ADCY7: variants seen among roughly 807,000 people sequenced by gnomAD.
ADCY7 encodes adenylate cyclase type 7.
A neutral mutation model predicts 120.6 loss-of-function variants in ADCY7; 72 were observed. The ratio of observed to expected loss-of-function variants is 0.60; its 90% confidence interval spans 0.49 to 0.73. The LOEUF is 0.73. Among genes scored for constraint, ADCY7 ranks in the 30% least tolerant of loss-of-function variants. The pLI is 0.00. For synonymous variants in ADCY7, 661 were observed against 628.0 expected (o/e 1.05, Z -0.78); for missense variants, 1,227 against 1,486.0 (o/e 0.83, Z 2.87).
upstream of ADCY7, among the ~76,000 whole-genome samples, chr16:50,263,684 C>T (rs1057036112): frequency 6.6e-6 from 1 of 152,066 alleles, no homozygotes; most frequent in Non-Finnish European, 1.5e-5. Context: ...CCTCTCCAAG[C>T]TGCCCCTTTT....
chr16:50,289,293 C>T, intron 2 of ADCY7: 1 of 436,932 alleles, frequency 2.3e-6, no homozygotes, highest in South Asian at 1.6e-5. Context: ...GCCTTGGCCT[C>T]CCAAAGTGTT....
At chr16:50,281,158 G>A (rs577802108) in intron 1 of ADCY7, among the ~76,000 whole-genome samples, 24 of 152,300 alleles carry the variant, frequency 1.6e-4, no homozygotes, top group East Asian at 9.6e-4. Context: ...GACACTAAGC[G>A]TGCCTTCTTG....
chr16:50,293,115 A>G (rs1015905963), intron 5 of ADCY7, among the ~76,000 whole-genome samples: 2 of 152,144 alleles, frequency 1.3e-5, no homozygotes, highest in Admixed American at 1.3e-4. Context: ...CAGCTGAAAG[A>G]GCCCTTTCTC....
Position 50,305,801 on chromosome 16 carries a change from C to T in ADCY7, c.1704C>T (p.Asp568=), listed in dbSNP as rs540931117. ...STRPCCSKSD[D]FYTFGSIFLE... ...GGCCCTGCTGCTCCAAGTCCGATGA[C>T]TTCTACACCTTTGGGTCCATCTTCC... The change falls in exon 14 of 26, where the codon GAC becomes GAT. Residue 568 remains aspartate (D), a synonymous_variant. Coordinates refer to ENST00000673801, the MANE Select transcript of ADCY7 (RefSeq NM_001114.5). 51 of 1,614,020 alleles carry T rather than the reference C, an allele frequency of 3.2e-5. No homozygotes were observed. In the East Asian group the frequency reaches 3.8e-4, roughly 12 times the overall value.
chr16:50,250,476 A>ACC (rs1567525185), intron 1 of ADCY7, among the ~76,000 whole-genome samples: 1 of 150,394 alleles, frequency 6.6e-6, no homozygotes, highest in Non-Finnish European at 1.5e-5. Context: ...AAAAAAAAAA[A>ACC]AAACCTAAAA....
In ADCY7 at chr16:50,314,378, C is replaced by G. The variant is rs1233560165; in HGVS notation, c.2943C>G (p.His981Gln). ...GTAAGCTGGACGGCATCAACAGGCACTCCTTCAACTCCTTCCGCCTCCGCG... is the reference window on the plus strand; with the variant it reads ...GTAAGCTGGACGGCATCAACAGGCAGTCCTTCAACTCCTTCCGCCTCCGCG... ...LMSKLDGINR[H>Q]SFNSFRLRVG... The change falls in exon 24 of 26, where the codon CAC becomes CAG. Residue 981 changes from histidine (H) to glutamine (Q), a missense_variant. His to Gln is a conservative substitution (Grantham distance 24). Coordinates refer to ENST00000673801, the MANE Select transcript of ADCY7 (RefSeq NM_001114.5). 6.2e-7 allele frequency: 1 copy of G among 1,614,062 alleles called. No individual in the cohort carries two copies. The highest frequency in any genetic ancestry group is 1.7e-5 in the Admixed American group (1 of 60,032).
At chr16:50,305,648 A>G (rs1035147231) in intron 13 of ADCY7, 62 bp downstream of exon 13, 1 of 1,528,884 alleles carries the variant, frequency 6.5e-7, no homozygotes, top group Non-Finnish European at 9.0e-7. Context: ...GGTCCCCTAT[A>G]TGGGCAGGCC....
intron 21 of ADCY7, 27 bp from the exon 22 acceptor site, chr16:50,312,863 T>C (rs1277141775): frequency 1.3e-6 from 2 of 1,559,576 alleles, no homozygotes; most frequent in East Asian, 2.4e-5. Context: ...GGTGAAGTGG[T>C]GTAAGGTCCG....
In ADCY7 at chr16:50,315,154, G is replaced by T. The variant is rs200133372; in HGVS notation, c.3096+16G>T. 6.2e-7 allele frequency: 1 copy of T among 1,613,600 alleles called. No individual in the cohort carries two copies. The highest frequency in any genetic ancestry group is 8.5e-7 in the Non-Finnish European group (1 of 1,179,682). On this transcript the variant is annotated intron_variant, in intron 25 of 25. Transcript: ENST00000673801. ...GAAAATCCAGGTAAAGACCTATTGG[G>T]GAAGCAGTTGACTAAGGGGAAAAGA...
At chr16:50,256,694 C>CAA (rs1567527922) in intron 1 of ADCY7, among the ~76,000 whole-genome samples, 18 of 151,456 alleles carry the variant, frequency 1.2e-4, no homozygotes, top group African/African-American at 4.4e-4. Flanking sequence ...GACCCTGTCT[C>CAA]CAAAAAAAAA....
intron 1 of ADCY7, among the ~76,000 whole-genome samples, chr16:50,270,022 C>T (rs2033454644): frequency 6.6e-6 from 1 of 152,120 alleles, no homozygotes; most frequent in African/African-American, 2.4e-5. Flanking sequence ...AACCCCAACT[C>T]TAGGAAAAAA....
chr16:50,310,272 G>A (rs2036366216), intron 18 of ADCY7, among the ~76,000 whole-genome samples: 1 of 152,186 alleles, frequency 6.6e-6, no homozygotes, highest in Admixed American at 6.5e-5. Flanking sequence ...TCCAGACTGG[G>A]AGGTGCAGGA....
chr16:50,262,802 C>T (rs1250526129), upstream of ADCY7, among the ~76,000 whole-genome samples: 3 of 152,208 alleles, frequency 2.0e-5, no homozygotes, highest in Non-Finnish European at 4.4e-5. Flanking sequence ...GCTGTGTGCC[C>T]TGGCGCCTCT....
At chr16:50,280,100 A>C (rs1462511269) in intron 1 of ADCY7, among the ~76,000 whole-genome samples, 1 of 152,240 alleles carries the variant, frequency 6.6e-6, no homozygotes, top group Middle Eastern at 3.4e-3. Context: ...GCTATTTATT[A>C]CTAATTCAAT....
chr16:50,246,042 C>T (rs1197660089), upstream of ADCY7: 3 of 150,422 alleles, frequency 2.0e-5, no homozygotes, highest in Non-Finnish European at 4.5e-5. Context: ...CAGCCCCCAG[C>T]CCCCCGCCCC....
intron 1 of ADCY7, among the ~76,000 whole-genome samples, chr16:50,286,356 G>C (rs2034577219): frequency 6.7e-6 from 1 of 148,352 alleles, no homozygotes; most frequent in African/African-American, 2.5e-5. Context: ...CTGAGCCCTG[G>C]GAGGTTGAGG....
rs866263143 is a variant in ADCY7, at chr16:50,249,269, G to A, written c.-64+3066G>A. Among the ~76,000 whole-genome samples, 5 of 151,904 alleles carry A rather than the reference G, an allele frequency of 3.3e-5. No homozygotes were observed. In the South Asian group the frequency reaches 6.2e-4, roughly 19 times the overall value. On this transcript the variant is annotated intron_variant, in intron 1 of 4. Transcript: ENST00000564044. ...AGCCTGGCCAACATGATGAAACCCC[G>A]TCTCTACTAAAAATACAAAAATTAG... is the stretch of plus-strand genomic sequence containing the variant.
Position 50,315,718 on chromosome 16 carries a change from A to G in ADCY7, c.*213A>G. The G allele has an allele frequency of 1.8e-6, 1 of 546,202 alleles. No individual in the cohort carries two copies. Among genetic ancestry groups the G allele is most frequent in the Non-Finnish European group, 3.2e-6 (1 of 313,412 alleles). The allele number at this position is 546,202 out of a possible 1,614,324, so 33.8% of individuals were successfully genotyped here. On this transcript the variant is annotated 3_prime_UTR_variant, in exon 26 of 26. Coordinates refer to ENST00000673801, the MANE Select transcript of ADCY7 (RefSeq NM_001114.5). ...AGCCATAATGCGCAGGGGAGGCCAGAAGCTCTGTGCCTGGTCTGTAACAGT... is the reference window on the plus strand; with the variant it reads ...AGCCATAATGCGCAGGGGAGGCCAGGAGCTCTGTGCCTGGTCTGTAACAGT...
At chr16:50,314,964 A>G (rs1317290197) in intron 24 of ADCY7, 50 bp from the exon 25 acceptor site, 2 of 1,608,334 alleles carry the variant, frequency 1.2e-6, no homozygotes, top group Non-Finnish European at 1.7e-6. Flanking sequence ...TAAGGGCAGA[A>G]GCTTGAGGCT....
Sources: allele counts gnomAD v4.1 joint callset (sites outside exome capture counted in the v4.1 genomes callset), GRCh38; gene constraint gnomAD v4.1.1; transcripts MANE v1.5; gene names NCBI Gene and HGNC (gene_info 2026-07-23, HGNC 2026-07-21).